Variants in LRRC37A2 observed in about 807,000 individuals in gnomAD.
LRRC37A2 encodes leucine rich repeat containing 37 member A2, also known as leucine-rich repeat-containing protein 37A2.
LRRC37A2 carries 9 observed loss-of-function variants against 68.8 expected under a neutral mutation model. The ratio of observed to expected loss-of-function variants is 0.13; its 90% confidence interval spans 0.08 to 0.23. LRRC37A2 has a LOEUF of 0.23. Among genes scored for constraint, LRRC37A2 ranks in the 10% least tolerant of loss-of-function variants. LRRC37A2 has a pLI of 1.00. For missense variants in LRRC37A2, 168 were observed against 950.4 expected, an observed-to-expected ratio of 0.18 and a Z score of 10.82; for synonymous variants, 63 against 367.6, an observed-to-expected ratio of 0.17 and a Z score of 9.48.
the LRRC37A2 span, chr17:46,939,073 G>T: frequency 8.8e-7 from 1 of 1,142,744 alleles, no homozygotes; most frequent in Non-Finnish European, 1.1e-6. Flanking sequence ...GCTGATGCGT[G>T]CCCTGGGAAG....
chr17:46,735,056 C>T, the LRRC37A2 span, among the ~76,000 whole-genome samples: 1 of 152,110 alleles, frequency 6.6e-6, no homozygotes, highest in Non-Finnish European at 1.5e-5. Context: ...TCTCTAAAAA[C>T]AAAACCAACA....
chr17:46,980,665 AC>A, the LRRC37A2 span, among the ~76,000 whole-genome samples: 1 of 60,070 alleles, frequency 1.7e-5, no homozygotes, highest in East Asian at 4.5e-4. Flanking sequence ...TACTAAAAAT[AC>A]AAAAAAAAAA....
intron 8 of LRRC37A2, among the ~76,000 whole-genome samples, chr17:46,545,957 C>T (rs1459211082): frequency 6.9e-6 from 1 of 145,332 alleles, no homozygotes; most frequent in East Asian, 2.1e-4. Context: ...TCTGTACTTT[C>T]AGCCCAAAGT....
At chr17:46,816,785 C>T in the LRRC37A2 span, among the ~76,000 whole-genome samples, 1 of 152,186 alleles carries the variant, frequency 6.6e-6, no homozygotes, top group Non-Finnish European at 1.5e-5. Flanking sequence ...GGCCGCCAAA[C>T]CTTTCCTTCC....
At chr17:46,791,274 C>T in the LRRC37A2 span, among the ~76,000 whole-genome samples, 2 of 151,880 alleles carry the variant, frequency 1.3e-5, no homozygotes, top group African/African-American at 4.8e-5. Context: ...AGTGCAGTGG[C>T]GTGATCTCAG....
the LRRC37A2 span, among the ~76,000 whole-genome samples, chr17:46,918,141 G>A: frequency 6.6e-4 from 100 of 152,264 alleles, no homozygotes; most frequent in African/African-American, 2.1e-3. Context: ...GTGCAGCGGC[G>A]CGATCTCAGC....
At chr17:46,839,978 C>CTTT in the LRRC37A2 span, among the ~76,000 whole-genome samples, 1 of 76,428 alleles carries the variant, frequency 1.3e-5, no homozygotes, top group Non-Finnish European at 2.8e-5. Flanking sequence ...CTTTCTTTCT[C>CTTT]TTCTTTCTTT....
At chr17:46,810,008 T>C in the LRRC37A2 span, among the ~76,000 whole-genome samples, 315 of 143,458 alleles carry the variant, frequency 2.2e-3, 1 homozygote, top group South Asian at 3.2e-3. Flanking sequence ...TTCTTTCTTT[T>C]TTTTTTTTTT....
the LRRC37A2 span, among the ~76,000 whole-genome samples, chr17:46,883,426 AG>A: frequency 6.6e-6 from 1 of 150,528 alleles, no homozygotes; most frequent in African/African-American, 2.5e-5. Context: ...CTGGGATTAC[AG>A]GCGCCTACCC....
chr17:46,768,485 A>G, the LRRC37A2 span: 397 of 1,614,000 alleles, frequency 2.5e-4, no homozygotes, highest in Non-Finnish European at 3.2e-4. The surrounding 1 kb of genome is among the most constrained non-coding windows in gnomAD (Gnocchi z 5.0). Context: ...GGGAGGTGAC[A>G]TTGCAAGTCC....
the LRRC37A2 span, among the ~76,000 whole-genome samples, chr17:46,849,112 C>G: frequency 2.0e-5 from 3 of 152,180 alleles, no homozygotes; most frequent in Non-Finnish European, 4.4e-5. Flanking sequence ...AAACCTGGTA[C>G]AGTTCTAACA....
chr17:46,767,615 GGACCA>G, the LRRC37A2 span, among the ~76,000 whole-genome samples: 1 of 152,144 alleles, frequency 6.6e-6, no homozygotes, highest in Admixed American at 6.5e-5. Flanking sequence ...GACAAAGTTA[GGACCA>G]GACGTCAGGT....
chr17:46,880,350 T>G, the LRRC37A2 span, among the ~76,000 whole-genome samples: 8 of 152,152 alleles, frequency 5.3e-5, no homozygotes, highest in African/African-American at 1.9e-4. Context: ...TCAGGACACT[T>G]TAGAATAACA....
At chr17:46,783,309 T>C in the LRRC37A2 span, among the ~76,000 whole-genome samples, 1 of 152,164 alleles carries the variant, frequency 6.6e-6, no homozygotes, top group East Asian at 1.9e-4. Flanking sequence ...GCCTGGTGAT[T>C]TGTGGAGTCA....
intron 8 of LRRC37A2, among the ~76,000 whole-genome samples, chr17:46,541,219 G>C (rs1450009700): frequency 1.4e-4 from 21 of 149,178 alleles, no homozygotes; most frequent in Non-Finnish European, 2.4e-4. Context: ...ATAGCACATA[G>C]CCTCTTGTGT....
At chr17:46,852,599 T>C in the LRRC37A2 span, among the ~76,000 whole-genome samples, 1 of 151,906 alleles carries the variant, frequency 6.6e-6, no homozygotes, top group African/African-American at 2.4e-5. Context: ...TGACCCTGAA[T>C]TGCAGGGATT....
chr17:46,802,535 T>C, the LRRC37A2 span, among the ~76,000 whole-genome samples: 1 of 152,212 alleles, frequency 6.6e-6, no homozygotes, highest in Non-Finnish European at 1.5e-5. Flanking sequence ...CCCAAAGTGC[T>C]GGGATTACAG....
At chr17:46,786,744 C>T in the LRRC37A2 span, among the ~76,000 whole-genome samples, 4 of 152,162 alleles carry the variant, frequency 2.6e-5, no homozygotes, top group African/African-American at 9.7e-5. Context: ...CAGAGGCCTA[C>T]TTGGGGTCAC....
At chr17:46,913,415 A>G in the LRRC37A2 span, among the ~76,000 whole-genome samples, 14 of 152,248 alleles carry the variant, frequency 9.2e-5, no homozygotes, top group African/African-American at 3.4e-4. Context: ...ACCAGTGCTA[A>G]GGAAGCATGG....
Sources: allele counts gnomAD v4.1 joint callset (sites outside exome capture counted in the v4.1 genomes callset), GRCh38; gene constraint gnomAD v4.1.1; non-coding constraint Gnocchi (gnomAD v3.1); transcripts MANE v1.5; gene names NCBI Gene and HGNC (gene_info 2026-07-23, HGNC 2026-07-21).